DMXL1: variants seen among roughly 807,000 people sequenced by gnomAD.
The protein encoded by DMXL1 is dmX-like protein 1.
A neutral mutation model predicts 319.2 loss-of-function variants in DMXL1; 99 were observed. That is an observed-to-expected ratio of 0.31 (90% CI 0.26 to 0.37). DMXL1 has a LOEUF of 0.37. Ranked by LOEUF, DMXL1 falls within the 10% of genes least tolerant of loss-of-function variation. DMXL1 has a pLI of 1.00. For missense variants in DMXL1, 3,745 were observed against 3,595.6 expected (o/e 1.04, Z -1.06); for synonymous variants, 1,385 against 1,235.2 (o/e 1.12, Z -2.54).
intron 38 of DMXL1, among the ~76,000 whole-genome samples, chr5:119,228,648 G>A (rs961094702): frequency 6.6e-6 from 1 of 152,096 alleles, no homozygotes; most frequent in Non-Finnish European, 1.5e-5. Context: ...GAGGGAGTGA[G>A]AACAAATTTT....
chr5:119,076,212 A>T (rs1381948664), intron 1 of DMXL1, among the ~76,000 whole-genome samples: 6 of 152,216 alleles, frequency 3.9e-5, no homozygotes, highest in African/African-American at 1.4e-4. Flanking sequence ...GTTTCTAGCT[A>T]AGGGAATCTA....
intron 34 of DMXL1, among the ~76,000 whole-genome samples, chr5:119,207,802 G>T (rs1435896304): frequency 6.6e-6 from 1 of 152,156 alleles, no homozygotes; most frequent in Admixed American, 6.5e-5. Flanking sequence ...GATTACAGGC[G>T]TGAGCCACCG....
intron 33 of DMXL1, among the ~76,000 whole-genome samples, chr5:119,206,155 A>G (rs1781702303): frequency 6.6e-6 from 1 of 152,074 alleles, no homozygotes; most frequent in Non-Finnish European, 1.5e-5. Flanking sequence ...AGACAACTGC[A>G]ATTAGATTAA....
chr5:119,199,525 C>G (rs147163553), intron 32 of DMXL1, among the ~76,000 whole-genome samples: 4 of 152,244 alleles, frequency 2.6e-5, no homozygotes, highest in African/African-American at 9.6e-5. Context: ...GCAGCGAACA[C>G]TTGTGTGCAT....
intron 36 of DMXL1, 52 bp from the exon 37 acceptor site, chr5:119,220,888 A>C (rs1039856867): frequency 1.0e-5 from 16 of 1,582,588 alleles, no homozygotes; most frequent in Non-Finnish European, 1.4e-5. Flanking sequence ...TTCAAGTGTA[A>C]AAAAGAAAGA....
chr5:119,087,570 C>G (rs1753655136), intron 1 of DMXL1, among the ~76,000 whole-genome samples: 1 of 151,898 alleles, frequency 6.6e-6, no homozygotes, highest in Non-Finnish European at 1.5e-5. Flanking sequence ...GTTTTGTGAC[C>G]TCAGATATGT....
intron 1 of DMXL1, among the ~76,000 whole-genome samples, chr5:119,088,136 G>T (rs1753786940): frequency 6.6e-6 from 1 of 152,078 alleles, no homozygotes; most frequent in Non-Finnish European, 1.5e-5. Flanking sequence ...CTCTGGTGTT[G>T]GGCGATAGAG....
intron 19 of DMXL1, among the ~76,000 whole-genome samples, chr5:119,160,140 T>G (rs1007940505): frequency 1.1e-3 from 164 of 150,298 alleles, no homozygotes; most frequent in African/African-American, 3.7e-3. Flanking sequence ...TTGACAGAGA[T>G]ATATATATAT....
At position 119,108,591 on chromosome 5, in the gene DMXL1, A is replaced by AT. The variant is rs1239884736; in HGVS notation, c.365-1553dup. On this transcript the variant is annotated intron_variant, in intron 4 of 43. Coordinates refer to ENST00000539542, the MANE Select transcript of DMXL1 (RefSeq NM_001290321.3). ...AGTGCGTGTCTAACTAATTTTTGTA[A>AT]TTTTTTTCTGTAGAGGCAGGGTTTC... Among the ~76,000 whole-genome samples the AT allele has an allele frequency of 3.8e-4, 57 of 151,398 alleles. 1 individual carries two copies. The highest frequency in any genetic ancestry group is 2.8e-3 in the Admixed American group (43 of 15,202).
Position 119,177,420 on chromosome 5 carries a change from T to A in DMXL1, c.6822T>A (p.Pro2274=), listed in dbSNP as rs1776016240. ...AGACAGTACTGCTTCCTCATCGACCTTCTTTGAAAACAGGAAGCTTAGATG... is the reference window on the plus strand; with the variant it reads ...AGACAGTACTGCTTCCTCATCGACCATCTTTGAAAACAGGAAGCTTAGATG... ...VYQTVLLPHR[P]SLKTGSLDEA... is the part of the protein sequence containing the mutation. The change falls in exon 27 of 44, where the codon CCT becomes CCA. Residue 2274 remains proline, a synonymous_variant. Coordinates refer to ENST00000539542, the MANE Select transcript of DMXL1 (RefSeq NM_001290321.3). 6.2e-7 allele frequency: 1 copy of A among 1,609,380 alleles called. No homozygotes were observed. The highest frequency in any genetic ancestry group is 8.5e-7 in the Non-Finnish European group (1 of 1,177,146).
At chr5:119,214,551 C>G (rs1352112945) in intron 34 of DMXL1, among the ~76,000 whole-genome samples, 1 of 152,170 alleles carries the variant, frequency 6.6e-6, no homozygotes, top group African/African-American at 2.4e-5. Flanking sequence ...TATCTCCAAT[C>G]TTATCTTCTG....
At chr5:119,081,235 C>G (rs1752125461) in intron 1 of DMXL1, among the ~76,000 whole-genome samples, 1 of 152,158 alleles carries the variant, frequency 6.6e-6, no homozygotes, top group Non-Finnish European at 1.5e-5. Context: ...GGGCTGCCTC[C>G]CCTTCTTCAC....
At chr5:119,126,280 T>C (rs1179795011) in intron 9 of DMXL1, among the ~76,000 whole-genome samples, 1 of 152,180 alleles carries the variant, frequency 6.6e-6, no homozygotes, top group Non-Finnish European at 1.5e-5. Flanking sequence ...TGAAACTCTG[T>C]CTCAAAAATA....
chr5:119,172,498 T>C (rs895640730), intron 25 of DMXL1, among the ~76,000 whole-genome samples: 3 of 152,238 alleles, frequency 2.0e-5, no homozygotes, highest in South Asian at 2.1e-4. Context: ...TCCAAACTTA[T>C]TCAATCAGTT....
At chr5:119,205,501 A>G (rs1261788352) in intron 33 of DMXL1, among the ~76,000 whole-genome samples, 1 of 152,124 alleles carries the variant, frequency 6.6e-6, no homozygotes, top group Non-Finnish European at 1.5e-5. Context: ...TTTTGTGACT[A>G]TCAGTAAGCT....
At chr5:119,213,062 CT>C (rs1348706254) in intron 34 of DMXL1, among the ~76,000 whole-genome samples, 1 of 152,208 alleles carries the variant, frequency 6.6e-6, no homozygotes, top group African/African-American at 2.4e-5. Context: ...GCTTGCCTCA[CT>C]TTACATTTAT....
chr5:119,172,352 A>G (rs1412088343), intron 25 of DMXL1, among the ~76,000 whole-genome samples: 2 of 152,202 alleles, frequency 1.3e-5, no homozygotes, highest in African/African-American at 4.8e-5. Context: ...CCTTGTTAAT[A>G]CTAAAGAAAT....
intron 19 of DMXL1, among the ~76,000 whole-genome samples, chr5:119,159,728 A>G (rs1581083665): frequency 6.6e-6 from 1 of 152,154 alleles, no homozygotes; most frequent in African/African-American, 2.4e-5. Context: ...GGTCCAAGCG[A>G]TTCTCCTGCC....
intron 28 of DMXL1, among the ~76,000 whole-genome samples, chr5:119,183,853 T>A (rs1440411267): frequency 6.6e-6 from 1 of 152,186 alleles, no homozygotes; most frequent in Non-Finnish European, 1.5e-5. Flanking sequence ...ATTTTACAAA[T>A]GAGTCAGGAA....
Sources: allele counts gnomAD v4.1 joint callset (sites outside exome capture counted in the v4.1 genomes callset), GRCh38; gene constraint gnomAD v4.1.1; transcripts MANE v1.5; gene names NCBI Gene and HGNC (gene_info 2026-07-23, HGNC 2026-07-21).